The following RALY variants were observed in gnomAD, a reference collection of about 807,000 sequenced individuals.
The protein encoded by RALY is RALY heterogeneous nuclear ribonucleoprotein.
In RALY, 15 loss-of-function variants were observed where a neutral mutation model predicts 30.7. The observed-to-expected ratio is 0.49, with a 90% CI of 0.33 to 0.75. The LOEUF is 0.75. RALY is among the 30% of genes least tolerant of loss of function. The pLI is 0.02. For missense variants in RALY, 339 were observed against 414.3 expected, an observed-to-expected ratio of 0.82 and a Z score of 1.58; for synonymous variants, 177 against 170.8, an observed-to-expected ratio of 1.04 and a Z score of -0.28.
chr20:34,060,208 C>T (rs2033375838), intron 2 of RALY, among the ~76,000 whole-genome samples: 1 of 152,094 alleles, frequency 6.6e-6, no homozygotes, highest in Non-Finnish European at 1.5e-5. Flanking sequence ...CTCTTTTATA[C>T]TCACATGGAA....
chr20:34,009,718 A>G (rs2031318507), intron 1 of RALY, among the ~76,000 whole-genome samples: 1 of 152,054 alleles, frequency 6.6e-6, no homozygotes, highest in Admixed American at 6.6e-5. Flanking sequence ...TTTTTTCCAC[A>G]TTCTGCTTCC....
intron 1 of RALY, chr20:34,015,144 G>A (rs942262817): frequency 1.3e-5 from 2 of 152,084 alleles, no homozygotes; most frequent in African/African-American, 2.4e-5. Context: ...AAGTAATGAG[G>A]AAGTACGGAA....
Position 34,077,213 on chromosome 20 carries a change from G to A in RALY, c.844G>A (p.Glu282Lys). 1.2e-6 allele frequency: 2 copies of A among 1,613,906 alleles called. No homozygotes were observed. Among genetic ancestry groups the A allele is most frequent in the Non-Finnish European group, 1.7e-6 (2 of 1,179,932 alleles). ...ACGGACCCGAGACGACGGCGATGAG[G>A]AAGGGCTCCTGACACACAGCGAGGA... is the stretch of plus-strand genomic sequence containing the variant. ...EARTRDDGDE[E>K]GLLTHSEEEL... Residue 282 changes from glutamate to lysine, a missense_variant, in exon 8 of 10, where the codon GAA (glutamate) becomes AAA (lysine). Glu to Lys is a moderately conservative substitution (Grantham distance 56). This residue lies in a region of RALY where 268 missense variants were observed against 280.6 expected (regional missense o/e 0.95). Coordinates refer to ENST00000246194, the MANE Select transcript of RALY (RefSeq NM_016732.3).
intron 2 of RALY, among the ~76,000 whole-genome samples, chr20:34,044,482 GGC>G (rs2032810060): frequency 6.6e-6 from 1 of 151,390 alleles, no homozygotes; most frequent in African/African-American, 2.4e-5. Context: ...CACCACACCC[GGC>G]TAATTTCGTA....
intron 1 of RALY, among the ~76,000 whole-genome samples, chr20:34,002,584 A>G (rs993359455): frequency 2.0e-5 from 3 of 152,240 alleles, no homozygotes; most frequent in Admixed American, 1.3e-4. Flanking sequence ...CAAGGAGACC[A>G]GTTTGATAAT....
chr20:34,072,497 A>G (rs763246690), intron 3 of RALY, among the ~76,000 whole-genome samples, 167 bp downstream of exon 3: 21 of 152,238 alleles, frequency 1.4e-4, no homozygotes, highest in Non-Finnish European at 2.9e-4. Flanking sequence ...TAATCCCTAT[A>G]GGGAAGAATT....
At chr20:34,031,921 TACCTGTCC>T (rs2123100155) in intron 2 of RALY, among the ~76,000 whole-genome samples, 1 of 152,310 alleles carries the variant, frequency 6.6e-6, no homozygotes, top group African/African-American at 2.4e-5. Context: ...CTGGCGGCTA[TACCTGTCC>T]TCTCACAAGC....
intron 9 of RALY, among the ~76,000 whole-genome samples, chr20:34,079,396 C>T (rs1220539340): frequency 6.6e-6 from 1 of 152,218 alleles, no homozygotes; most frequent in Non-Finnish European, 1.5e-5. Flanking sequence ...AGCCAGGCCA[C>T]ACCTGGCTGT....
chr20:34,074,186 G>C (rs1030515833), intron 5 of RALY, among the ~76,000 whole-genome samples: 1 of 152,178 alleles, frequency 6.6e-6, no homozygotes, highest in Non-Finnish European at 1.5e-5. Flanking sequence ...AGGGTACAGC[G>C]CTGGTTGCAG....
intron 2 of RALY, among the ~76,000 whole-genome samples, chr20:34,058,543 T>C (rs2033323695): frequency 6.6e-6 from 1 of 152,208 alleles, no homozygotes; most frequent in East Asian, 1.9e-4. Context: ...ATTTTGAACT[T>C]GAGTCTATCC....
intron 2 of RALY, among the ~76,000 whole-genome samples, chr20:34,069,369 G>A (rs1436998958): frequency 6.6e-6 from 1 of 152,162 alleles, no homozygotes; most frequent in Non-Finnish European, 1.5e-5. Context: ...GGTGAGTCCT[G>A]ATCTCGTCAC....
At chr20:34,028,726 A>C (rs1568664803) in intron 1 of RALY, among the ~76,000 whole-genome samples, 1 of 150,944 alleles carries the variant, frequency 6.6e-6, no homozygotes, top group Non-Finnish European at 1.5e-5. Flanking sequence ...AAAAAAAAAA[A>C]AAAAAAAACA....
Position 34,051,897 on chromosome 20 carries a change from G to A in RALY, c.-9-20169G>A, listed in dbSNP as rs566909303. On this transcript the variant is annotated intron_variant, in intron 2 of 9. Transcript: ENST00000246194. ...TGGGATTACAGGCGTGAGCCACTGC[G>A]CCCAGCCTGATACTTTCACTACAGT... is the stretch of plus-strand genomic sequence containing the variant. 2.6e-5 allele frequency among the ~76,000 whole-genome samples: 4 copies of A among 152,222 alleles called. No homozygotes were observed. In the East Asian group the frequency reaches 5.8e-4, roughly 22 times the overall value.
At position 33,994,748 on chromosome 20, in the gene RALY, G is replaced by C. The variant is rs61230288; in HGVS notation, c.-93+617G>C. On this transcript the variant is annotated intron_variant, in intron 1 of 9. Transcript: ENST00000246194. ...GTCTTAGTTTGCCTCTCGGTGACATGGGGGGAAAGAAGGAAACTCGCTTTG... is the reference window on the plus strand; with the variant it reads ...GTCTTAGTTTGCCTCTCGGTGACATCGGGGGAAAGAAGGAAACTCGCTTTG... Among the ~76,000 whole-genome samples the C allele has an allele frequency of 7.0e-3, 1,065 of 152,260 alleles. 15 individuals carry two copies. Among genetic ancestry groups the C allele is most frequent in the African/African-American group, 0.024 (986 of 41,546 alleles).
intron 2 of RALY, among the ~76,000 whole-genome samples, chr20:34,056,023 CT>C (rs746060634): frequency 6.0e-4 from 92 of 152,182 alleles, no homozygotes; most frequent in Non-Finnish European, 1.2e-3. Context: ...GCTATAGGGA[CT>C]TACAAGTGCC....
At chr20:34,047,531 A>G (rs2032924150) in intron 2 of RALY, among the ~76,000 whole-genome samples, 1 of 152,176 alleles carries the variant, frequency 6.6e-6, no homozygotes, top group Admixed American at 6.5e-5. Context: ...ATGGCTGACC[A>G]TGGGCCATCT....
At chr20:34,061,193 C>T (rs937742965) in intron 2 of RALY, among the ~76,000 whole-genome samples, 9 of 152,288 alleles carry the variant, frequency 5.9e-5, no homozygotes, top group South Asian at 2.1e-4. Context: ...TTCCAGCCCC[C>T]CATTAAGCCT....
intron 2 of RALY, among the ~76,000 whole-genome samples, chr20:34,034,102 T>G (rs2032385592): frequency 6.6e-6 from 1 of 152,206 alleles, no homozygotes; most frequent in South Asian, 2.1e-4. Context: ...GTTGCCTTGT[T>G]CCCTGCTGTC....
intron 2 of RALY, among the ~76,000 whole-genome samples, chr20:34,042,784 T>A (rs1050208429): frequency 6.6e-6 from 1 of 152,216 alleles, no homozygotes; most frequent in Non-Finnish European, 1.5e-5. Flanking sequence ...ACCTTCTTAG[T>A]TTTTTACACA....
Sources: allele counts gnomAD v4.1 joint callset (sites outside exome capture counted in the v4.1 genomes callset), GRCh38; gene constraint gnomAD v4.1.1; regional missense constraint gnomAD v4.1.1; transcripts MANE v1.5; gene names NCBI Gene and HGNC (gene_info 2026-07-23, HGNC 2026-07-21).